Variants in RIIAD1 observed in about 807,000 individuals in gnomAD.
RIIAD1 encodes regulatory subunit of type II PKA R-subunit domain containing 1.
RIIAD1 carries 15 observed loss-of-function variants against 13.3 expected under a neutral mutation model. That is an observed-to-expected ratio of 1.13 (90% CI 0.76 to 1.74). RIIAD1 has a LOEUF of 1.74. Among genes scored for constraint, RIIAD1 ranks in the 40% most tolerant of loss-of-function variants. The probability of loss-of-function intolerance (pLI) is 0.00; values close to 1 mark genes in which losing one functional copy is unlikely to be tolerated. For synonymous variants in RIIAD1, 50 were observed against 43.3 expected, an observed-to-expected ratio of 1.16 and a Z score of -0.61; for missense variants, 121 against 112.2, an observed-to-expected ratio of 1.08 and a Z score of -0.35.
At chr1:151,716,847 T>C (rs995556506), upstream of RIIAD1, 10 of 439,504 alleles carry the variant, frequency 2.3e-5, no homozygotes, top group Admixed American at 7.5e-5. Context: ...TCCTTTCCCC[T>C]GACATCAGTG....
Position 151,728,786 on chromosome 1 carries a change from C to T in RIIAD1, c.229C>T (p.Leu77Phe). Residue 77 changes from leucine to phenylalanine, a missense_variant, in exon 4 of 5, where the codon CTT becomes TTT. By Grantham distance (22) the Leu-to-Phe change is conservative. Coordinates refer to ENST00000479191, the MANE Select transcript of RIIAD1 (RefSeq NM_001144956.3). The part of the protein sequence containing the change: ...FAADYFTDPR[L>F]PNKIHMQLIK... ...CCCAGACTACTTCACGGATCCAAGA[C>T]TTCCCAACAAGATTCACATGCAGCT... 3 of 1,542,696 alleles carry T rather than the reference C, an allele frequency of 1.9e-6. No homozygotes were observed. Among genetic ancestry groups the T allele is most frequent in the South Asian group, 2.4e-5 (2 of 83,870 alleles).
chr1:151,714,741 G>A, intron 4 of RIIAD1: 2 of 1,175,878 alleles, frequency 1.7e-6, no homozygotes, highest in South Asian at 2.6e-5. Flanking sequence ...CTCTCTGAAA[G>A]GCTCCCTTCC....
chr1:151,725,690 A>G lies in RIIAD1; in HGVS notation c.162-1885A>G, dbSNP rs1558119523. 2.6e-5 allele frequency among the ~76,000 whole-genome samples: 4 copies of G among 152,138 alleles called. No homozygotes were observed. The South Asian group carries it at 8.3e-4, about 31-fold the overall frequency. On this transcript the variant is annotated intron_variant, in intron 2 of 4. Transcript: ENST00000479191. ...GCGCTTTTGTATTTTATATGAATGG[A>G]ATTTTACACTATGTGCTCTTTTGTG...
intron 2 of RIIAD1, among the ~76,000 whole-genome samples, chr1:151,724,937 C>G (rs1207556951): frequency 4.6e-5 from 7 of 151,446 alleles, no homozygotes; most frequent in Admixed American, 4.6e-4. Context: ...GTAGCTAGGA[C>G]TATAGGCACC....
upstream of RIIAD1, chr1:151,719,771 C>A: frequency 1.6e-6 from 1 of 639,680 alleles, no homozygotes; most frequent in Non-Finnish European, 2.8e-6. Flanking sequence ...CATACATGGG[C>A]ATTTGGGTCA....
At chr1:151,728,493 GGTGGGGGGTGGGGCCAGGCA>G (rs1336012075) in intron 3 of RIIAD1, 1 of 426,636 alleles carries the variant, frequency 2.3e-6, no homozygotes, top group Non-Finnish European at 4.1e-6. Flanking sequence ...GGGGGTGGGG[GGTGGGGGGTGGGGCCAGGCA>G]CAGCGTGGAG....
chr1:151,714,216 C>T (rs917571723), intron 3 of RIIAD1, among the ~76,000 whole-genome samples: 11 of 152,108 alleles, frequency 7.2e-5, no homozygotes, highest in African/African-American at 2.7e-4. Flanking sequence ...GCCTGCCTTT[C>T]CAGAGTGACA....
At chr1:151,720,280 A>T (rs886440231), upstream of RIIAD1, among the ~76,000 whole-genome samples, 4 of 151,890 alleles carry the variant, frequency 2.6e-5, no homozygotes, top group African/African-American at 9.7e-5. Context: ...CTCTGGAGGG[A>T]GTATGGGGAG....
At chr1:151,729,003 G>A in intron 4 of RIIAD1, 110 bp downstream of exon 4, 1 of 606,780 alleles carries the variant, frequency 1.6e-6, no homozygotes, top group African/African-American at 1.9e-5. Context: ...TTAAAGAGAA[G>A]TTTAATGTAA....
At chr1:151,711,578 T>G (rs937147000) in intron 1 of RIIAD1, among the ~76,000 whole-genome samples, 5 of 152,152 alleles carry the variant, frequency 3.3e-5, no homozygotes, top group African/African-American at 1.2e-4. Context: ...AGGCTCAATC[T>G]CCTTAGGCAT....
At chr1:151,728,721 T>G in intron 3 of RIIAD1, 45 bp from the exon 4 acceptor site, 1 of 1,164,628 alleles carries the variant, frequency 8.6e-7, no homozygotes, top group Non-Finnish European at 1.3e-6. Flanking sequence ...GTAAATCTTT[T>G]CCCTTTGGGT....
In RIIAD1 at chr1:151,716,172, C is replaced by T. The variant is rs143401553; in HGVS notation, c.21+1643C>T. The T allele has an allele frequency of 2.3e-4, 166 of 723,402 alleles. No homozygotes were observed. The East Asian group carries it at 4.4e-3, about 19-fold the overall frequency. 44.8% of individuals were successfully genotyped at this position (723,402 alleles called of 1,614,324 possible). On this transcript the variant is annotated intron_variant, in intron 4 of 8. Coordinates refer to the RIIAD1 transcript ENST00000326413. Reference sequence around the variant, plus strand: ...CCAACCACGCTGCTAAGCAGAGGGGCGGCTCTTCACACAAAGGAGGCCCAG... The same window carrying T: ...CCAACCACGCTGCTAAGCAGAGGGGTGGCTCTTCACACAAAGGAGGCCCAG...
Position 151,721,529 on chromosome 1 carries a change from G to T in RIIAD1, c.-8G>T. 7.6e-7 allele frequency: 1 copy of T among 1,310,768 alleles called. No individual in the cohort carries two copies. The highest frequency in any genetic ancestry group is 9.7e-7 in the Non-Finnish European group (1 of 1,028,528). 81.2% of individuals were successfully genotyped at this position (1,310,768 alleles called of 1,614,324 possible). ...CTCGCGGCCGGTCGCCTTGACGACCGCAGCAAGATGGAGACGCTGCCAGGC... is the reference window on the plus strand; with the variant it reads ...CTCGCGGCCGGTCGCCTTGACGACCTCAGCAAGATGGAGACGCTGCCAGGC... On this transcript the variant is annotated 5_prime_UTR_variant, in exon 1 of 5. Coordinates refer to ENST00000479191, the MANE Select transcript of RIIAD1 (RefSeq NM_001144956.3).
intron 2 of RIIAD1, among the ~76,000 whole-genome samples, chr1:151,723,051 C>T (rs1257884437): frequency 6.6e-6 from 1 of 152,224 alleles, no homozygotes; most frequent in Admixed American, 6.5e-5. Flanking sequence ...CCCCATTTCC[C>T]CTCTGGACTG....
intron 3 of RIIAD1, chr1:151,713,673 G>A (rs945122723): frequency 3.3e-5 from 5 of 152,344 alleles, no homozygotes; most frequent in African/African-American, 4.8e-5. Flanking sequence ...ACACACGCTC[G>A]CCTTGGGTCC....
At chr1:151,727,010 C>T (rs959650062) in intron 2 of RIIAD1, among the ~76,000 whole-genome samples, 27 of 152,238 alleles carry the variant, frequency 1.8e-4, no homozygotes, top group African/African-American at 5.3e-4. Flanking sequence ...TCGTTGAGGC[C>T]GGGTGCCGTG....
At chr1:151,719,520 A>G, upstream of RIIAD1, 1 of 630,712 alleles carries the variant, frequency 1.6e-6, no homozygotes, top group South Asian at 1.8e-5. Context: ...TTTTTCAGAA[A>G]GGGCAAAATG....
At position 151,721,897 on chromosome 1, in the gene RIIAD1, G is replaced by A. The variant is rs1320659780; in HGVS notation, c.85-189G>A. The A allele has an allele frequency of 4.3e-5, 26 of 602,720 alleles. No homozygotes were observed. In the East Asian group the frequency reaches 6.3e-4, roughly 15 times the overall value. The allele number at this position is 602,720 out of a possible 1,614,324, so 37.3% of individuals were successfully genotyped here. A position where few individuals can be genotyped will look rare whatever the true frequency, so the allele number is the denominator to read the frequency against. On this transcript the variant is annotated intron_variant, in intron 1 of 4. Transcript: ENST00000479191. ...CCAGACACATCCGACCTTAGTAAAG[G>A]CCCCTCATCCTGAACAAGCGGCAGA...
At chr1:151,723,679 G>A (rs1447610317) in intron 2 of RIIAD1, among the ~76,000 whole-genome samples, 6 of 152,192 alleles carry the variant, frequency 3.9e-5, no homozygotes, top group African/African-American at 7.2e-5. Context: ...CAGCCTGGGC[G>A]ACAGAGCAAG....
Sources: gnomAD v4.1 joint callset for allele counts (sites outside exome capture counted in the v4.1 genomes callset) on GRCh38, gnomAD v4.1.1 for gene constraint, MANE v1.5 for transcripts, NCBI Gene and HGNC (gene_info 2026-07-23, HGNC 2026-07-21) for gene names.